ANKRD30B: variants seen among roughly 807,000 people sequenced by gnomAD.
ANKRD30B encodes the protein ankyrin repeat domain-containing protein 30B.
ANKRD30B carries 144 observed loss-of-function variants against 202.2 expected under a neutral mutation model. The ratio of observed to expected loss-of-function variants is 0.71; its 90% confidence interval spans 0.62 to 0.82. ANKRD30B has a LOEUF of 0.82. Ranked by LOEUF, ANKRD30B falls within the 40% of genes least tolerant of loss-of-function variation. The pLI is 0.00. For missense variants in ANKRD30B, 1,487 were observed against 1,669.1 expected (o/e 0.89, Z 1.90); for synonymous variants, 508 against 561.3 (o/e 0.91, Z 1.34).
intron 16 of ANKRD30B, among the ~76,000 whole-genome samples, chr18:14,794,150 T>A (rs1968714442): frequency 6.6e-6 from 1 of 152,160 alleles, no homozygotes; most frequent in Non-Finnish European, 1.5e-5. Flanking sequence ...CTGTCCTGAT[T>A]TTAAAAAACT....
chr18:14,792,451 T>C (rs1198528410), intron 16 of ANKRD30B, among the ~76,000 whole-genome samples: 4 of 150,964 alleles, frequency 2.6e-5, no homozygotes. Flanking sequence ...AGAGTGTGTG[T>C]TGAATGGGAA....
At chr18:14,791,101 A>C (rs1041129952) in intron 15 of ANKRD30B, among the ~76,000 whole-genome samples, 2,427 of 152,134 alleles carry the variant, frequency 0.016, 69 homozygotes, top group African/African-American at 0.056. Flanking sequence ...GATTCAACTT[A>C]TTCCTGGTTT....
chr18:14,806,122 A>C (rs1969495228), intron 24 of ANKRD30B, among the ~76,000 whole-genome samples: 5 of 149,574 alleles, frequency 3.3e-5, no homozygotes, highest in Admixed American at 3.3e-4. Context: ...CAGGAGGTTG[A>C]GGCAGGAGAA....
chr18:14,893,304 A>G, the ANKRD30B span, among the ~76,000 whole-genome samples: 2 of 152,164 alleles, frequency 1.3e-5, no homozygotes, highest in South Asian at 2.1e-4. Flanking sequence ...AATAGGCACA[A>G]ATATTTATAG....
chr18:14,919,846 G>C, the ANKRD30B span, among the ~76,000 whole-genome samples: 27 of 152,186 alleles, frequency 1.8e-4, no homozygotes, highest in African/African-American at 6.0e-4. Flanking sequence ...GTTTAAAAAC[G>C]TTCTGCACCT....
At chr18:14,822,558 T>C in intron 31 of ANKRD30B, 47 bp downstream of exon 31, 6 of 1,010,314 alleles carry the variant, frequency 5.9e-6, no homozygotes, top group Non-Finnish European at 9.2e-6. Flanking sequence ...ACTTATTTTA[T>C]GAAGTATACA....
the ANKRD30B span, among the ~76,000 whole-genome samples, chr18:14,902,041 T>C: frequency 6.6e-6 from 1 of 152,084 alleles, no homozygotes; most frequent in Non-Finnish European, 1.5e-5. Context: ...TCTTACATGG[T>C]GGCACCAAGG....
chr18:14,843,638 G>A (rs1169943605), intron 39 of ANKRD30B, among the ~76,000 whole-genome samples: 2 of 151,910 alleles, frequency 1.3e-5, no homozygotes, highest in Non-Finnish European at 2.9e-5. Flanking sequence ...GTGTTTGTGT[G>A]TGGTACCCTT....
chr18:14,791,559 T>G, intron 16 of ANKRD30B, 68 bp downstream of exon 16: 1 of 1,261,790 alleles, frequency 7.9e-7, no homozygotes, highest in South Asian at 1.3e-5. Context: ...AGGAAGGATA[T>G]CCTCTAATAG....
chr18:14,794,774 A>G (rs1187465002), intron 16 of ANKRD30B, among the ~76,000 whole-genome samples: 1 of 152,194 alleles, frequency 6.6e-6, no homozygotes, highest in African/African-American at 2.4e-5. Flanking sequence ...TAGAGAGTTT[A>G]TGTCCCCTGA....
intron 30 of ANKRD30B, 69 bp from the exon 31 acceptor site, chr18:14,822,414 C>CT (rs1284996237): frequency 2.2e-6 from 2 of 894,382 alleles, no homozygotes; most frequent in East Asian, 5.6e-5. Flanking sequence ...CATATTCACA[C>CT]TGCATGAATG....
chr18:14,805,774 G>T (rs1025169095), intron 24 of ANKRD30B, among the ~76,000 whole-genome samples: 1 of 150,576 alleles, frequency 6.6e-6, no homozygotes, highest in South Asian at 2.1e-4. Context: ...TTGCTCCTCT[G>T]ATTCAAGATC....
chr18:14,912,563 T>C, the ANKRD30B span, among the ~76,000 whole-genome samples: 1 of 152,194 alleles, frequency 6.6e-6, no homozygotes, highest in Non-Finnish European at 1.5e-5. Context: ...ATCAGAGATA[T>C]TGGTATGTAG....
In ANKRD30B at chr18:14,808,698, T is replaced by A; in HGVS notation, c.2340T>A (p.Leu780=). ...LKPTCGRKVS[L]PNKALELKDR... ...CTACCTGTGGAAGGAAAGTTTCTCT[T>A]CCAAATAAAGCCTTAGAATTAAAGG... The change falls in exon 26 of 44, where the codon CTT becomes CTA. Residue 780 remains leucine (L), a synonymous_variant. Coordinates refer to ENST00000690538, the MANE Select transcript of ANKRD30B (RefSeq NM_001367607.2). 3 of 1,527,470 alleles carry A rather than the reference T, an allele frequency of 2.0e-6. No individual in the cohort carries two copies. The highest frequency in any genetic ancestry group is 2.6e-6 in the Non-Finnish European group (3 of 1,133,202). 94.6% of individuals were successfully genotyped at this position (1,527,470 alleles called of 1,614,324 possible).
intron 12 of ANKRD30B, 78 bp downstream of exon 12, chr18:14,782,692 G>A (rs1215967169): frequency 2.2e-6 from 2 of 897,702 alleles, no homozygotes; most frequent in East Asian, 2.8e-5. Flanking sequence ...TACTCTAATA[G>A]CCAAATAAAA....
the ANKRD30B span, among the ~76,000 whole-genome samples, chr18:14,935,784 A>G: frequency 3.5e-4 from 53 of 152,240 alleles, no homozygotes; most frequent in African/African-American, 1.2e-3. Flanking sequence ...TGCACAGTGC[A>G]TTCTGCACTA....
chr18:14,758,034 T>C, intron 5 of ANKRD30B, 82 bp downstream of exon 5: 1 of 1,453,976 alleles, frequency 6.9e-7, no homozygotes, highest in Non-Finnish European at 9.2e-7. Context: ...TTAGTTCACT[T>C]CATCAGCCAG....
At chr18:14,897,990 ACTT>A in the ANKRD30B span, among the ~76,000 whole-genome samples, 12 of 152,120 alleles carry the variant, frequency 7.9e-5, no homozygotes, top group East Asian at 3.9e-4. Context: ...CTCACTTCAC[ACTT>A]CTTCTTCTAT....
At chr18:14,773,282 T>C (rs1567996514) in intron 9 of ANKRD30B, among the ~76,000 whole-genome samples, 1 of 152,188 alleles carries the variant, frequency 6.6e-6, no homozygotes, top group Non-Finnish European at 1.5e-5. Context: ...AGCTCTTGCA[T>C]CACTATGAGA....
Sources: allele counts gnomAD v4.1 joint callset (sites outside exome capture counted in the v4.1 genomes callset), GRCh38; gene constraint gnomAD v4.1.1; transcripts MANE v1.5; gene names NCBI Gene and HGNC (gene_info 2026-07-23, HGNC 2026-07-21).